The following LRRIQ1 variants were observed in gnomAD, a reference collection of about 807,000 sequenced individuals.
The protein encoded by LRRIQ1 is leucine rich repeats and IQ motif containing 1, also known as leucine-rich repeat- and IQ domain-containing protein 1.
LRRIQ1 carries 210 observed loss-of-function variants against 211.9 expected under a neutral mutation model. The observed-to-expected ratio is 0.99, with a 90% CI of 0.89 to 1.11. The LOEUF (loss-of-function observed/expected upper bound fraction) is 1.11, where lower values mean the gene tolerates loss of function less well. Among genes scored for constraint, LRRIQ1 ranks in the 50% most tolerant of loss-of-function variants. The pLI, the probability that LRRIQ1 is intolerant of heterozygous loss-of-function variation, is 0.00. For missense variants in LRRIQ1, 2,136 were observed against 1,939.5 expected (o/e 1.10, Z -1.90); for synonymous variants, 699 against 650.1 (o/e 1.08, Z -1.14).
At chr12:85,176,284 C>G (rs1386194036) in intron 24 of LRRIQ1, among the ~76,000 whole-genome samples, 1 of 151,934 alleles carries the variant, frequency 6.6e-6, no homozygotes, top group African/African-American at 2.4e-5. Flanking sequence ...AATGGGAGTT[C>G]ACTCATGATT....
intron 11 of LRRIQ1, among the ~76,000 whole-genome samples, chr12:85,081,179 C>T (rs1187019974): frequency 6.6e-6 from 1 of 152,084 alleles, no homozygotes; most frequent in East Asian, 1.9e-4. Flanking sequence ...AAATTGTGAC[C>T]TCCTAGGTTT....
intron 10 of LRRIQ1, among the ~76,000 whole-genome samples, chr12:85,072,323 T>C (rs1883172597): frequency 6.6e-6 from 1 of 152,010 alleles, no homozygotes; most frequent in Non-Finnish European, 1.5e-5. Flanking sequence ...TTATTTTGGC[T>C]GTCTTGCTAA....
intron 22 of LRRIQ1, 79 bp downstream of exon 22, chr12:85,153,837 T>C: frequency 4.9e-6 from 5 of 1,027,352 alleles, no homozygotes; most frequent in Non-Finnish European, 7.0e-6. Flanking sequence ...TTTCAAGATT[T>C]TAAGAATACC....
intron 5 of LRRIQ1, 127 bp downstream of exon 5, chr12:85,046,264 T>C (rs2135918322): frequency 1.7e-6 from 1 of 589,132 alleles, no homozygotes; most frequent in African/African-American, 1.8e-5. Context: ...TTGAAGATTA[T>C]TGTGCCTTTG....
chr12:85,234,000 G>A lies in LRRIQ1; in HGVS notation c.5016+1244G>A, dbSNP rs565850160. Among the ~76,000 whole-genome samples the A allele has an allele frequency of 9.2e-5, 14 of 152,130 alleles. No homozygotes were observed. The South Asian group carries it at 2.7e-3, about 29-fold the overall frequency. On this transcript the variant is annotated intron_variant, in intron 26 of 26. Coordinates refer to ENST00000393217, the MANE Select transcript of LRRIQ1 (RefSeq NM_001079910.2). ...AATCTCAGCACTTTTGGAGGCTGAG[G>A]CAGACAGACTTCTTGAGCCCAAGAG...
intron 8 of LRRIQ1, among the ~76,000 whole-genome samples, chr12:85,063,494 A>G (rs1390582163): frequency 4.6e-5 from 7 of 151,690 alleles, no homozygotes; most frequent in African/African-American, 1.7e-4. Context: ...ATTATAGTAG[A>G]TGGGGTATCC....
At chr12:85,179,921 T>G (rs1475111357) in intron 24 of LRRIQ1, among the ~76,000 whole-genome samples, 1 of 151,852 alleles carries the variant, frequency 6.6e-6, no homozygotes, top group African/African-American at 2.4e-5. Flanking sequence ...TATTTCTGCT[T>G]CCTCCCATCC....
intron 24 of LRRIQ1, among the ~76,000 whole-genome samples, chr12:85,204,566 T>C (rs899905705): frequency 1.3e-5 from 2 of 152,198 alleles, no homozygotes. Flanking sequence ...CACTCACCTG[T>C]TGCATCAGTG....
intron 24 of LRRIQ1, among the ~76,000 whole-genome samples, chr12:85,229,029 T>C (rs1391120850): frequency 2.0e-5 from 3 of 152,154 alleles, no homozygotes; most frequent in Non-Finnish European, 4.4e-5. Flanking sequence ...AACTCTGATA[T>C]GTATGAAATA....
intron 24 of LRRIQ1, among the ~76,000 whole-genome samples, chr12:85,171,666 G>C (rs1891424186): frequency 1.3e-5 from 2 of 152,266 alleles, no homozygotes; most frequent in South Asian, 4.1e-4. Context: ...TTTGGAGTTA[G>C]GAACTGAAAG....
At chr12:85,097,631 A>G (rs1448433675) in intron 11 of LRRIQ1, among the ~76,000 whole-genome samples, 3 of 152,136 alleles carry the variant, frequency 2.0e-5, no homozygotes, top group Non-Finnish European at 1.5e-5. Context: ...ACAGAGTAAC[A>G]CCTACAGAAA....
At chr12:85,065,228 A>G (rs1882303177) in intron 8 of LRRIQ1, 34 bp from the exon 9 acceptor site, 4 of 1,574,400 alleles carry the variant, frequency 2.5e-6, no homozygotes, top group Non-Finnish European at 2.6e-6. Context: ...TTGTTAAATA[A>G]CACTACACAC....
intron 11 of LRRIQ1, among the ~76,000 whole-genome samples, chr12:85,082,251 C>T (rs182684002): frequency 6.6e-6 from 1 of 152,160 alleles, no homozygotes; most frequent in East Asian, 1.9e-4. Context: ...TTAACTTTTA[C>T]TTTCACCAAT....
At chr12:85,217,999 T>C (rs1160728017) in intron 24 of LRRIQ1, among the ~76,000 whole-genome samples, 1 of 151,744 alleles carries the variant, frequency 6.6e-6, no homozygotes, top group African/African-American at 2.4e-5. Context: ...GATAATTAAA[T>C]TGAGATGGTG....
At chr12:85,228,943 G>C (rs1263703097) in intron 24 of LRRIQ1, among the ~76,000 whole-genome samples, 1 of 152,128 alleles carries the variant, frequency 6.6e-6, no homozygotes, top group Non-Finnish European at 1.5e-5. Flanking sequence ...AAGCCAACAA[G>C]CCCTAAACCA....
chr12:85,148,899 G>A lies in LRRIQ1; in HGVS notation c.4330-3381G>A, dbSNP rs573098832. 2.6e-5 allele frequency among the ~76,000 whole-genome samples: 4 copies of A among 151,784 alleles called. No homozygotes were observed. The East Asian group carries it at 7.8e-4, about 30-fold the overall frequency. ...TTTGATTTGCATTTCTCTAATGATC[G>A]GTAATGTTGAACTTTTTTTTATATG... On this transcript the variant is annotated intron_variant, in intron 19 of 26. Transcript: ENST00000393217.
chr12:85,076,515 A>T (rs1484711014), intron 11 of LRRIQ1: 4 of 353,196 alleles, frequency 1.1e-5, no homozygotes, highest in Non-Finnish European at 1.6e-5. Flanking sequence ...TATCATGTAA[A>T]TAGTAGAGAT....
intron 5 of LRRIQ1, 40 bp from the exon 6 acceptor site, chr12:85,047,207 A>G: frequency 7.0e-7 from 1 of 1,430,180 alleles, no homozygotes; most frequent in Non-Finnish European, 9.5e-7. Flanking sequence ...GACAGTTTTG[A>G]TCTTACAAAT....
chr12:85,257,853 C>G (rs1363493234), intron 1 of LRRIQ1, among the ~76,000 whole-genome samples: 2 of 151,714 alleles, frequency 1.3e-5, no homozygotes, highest in Non-Finnish European at 3.0e-5. Context: ...TTTAGCACCA[C>G]ATTTGTAGCG....
Sources: allele counts gnomAD v4.1 joint callset (sites outside exome capture counted in the v4.1 genomes callset), GRCh38; gene constraint gnomAD v4.1.1; transcripts MANE v1.5; gene names NCBI Gene and HGNC (gene_info 2026-07-23, HGNC 2026-07-21).